PDZRN3: variants seen among roughly 807,000 people sequenced by gnomAD.
PDZRN3 encodes PDZ domain containing ring finger 3.
A neutral mutation model predicts 85.7 loss-of-function variants in PDZRN3; 38 were observed. The ratio of observed to expected loss-of-function variants is 0.44; its 90% confidence interval spans 0.34 to 0.58. The LOEUF is 0.58. Among genes scored for constraint, PDZRN3 ranks in the 20% least tolerant of loss-of-function variants. PDZRN3 has a pLI of 0.01. For synonymous variants in PDZRN3, 759 were observed against 638.0 expected (o/e 1.19, Z -2.86); for missense variants, 1,629 against 1,506.4 (o/e 1.08, Z -1.35).
chr3:73,502,373 T>C (rs1305554056), intron 3 of PDZRN3, among the ~76,000 whole-genome samples: 1 of 152,234 alleles, frequency 6.6e-6, no homozygotes, highest in East Asian at 1.9e-4. Context: ...ATTTCCATAA[T>C]GGTGTTCTCT....
chr3:73,559,559 T>G (rs1701773796), intron 3 of PDZRN3, among the ~76,000 whole-genome samples: 1 of 152,206 alleles, frequency 6.6e-6, no homozygotes, highest in South Asian at 2.1e-4. Flanking sequence ...GCACATGGGT[T>G]TCAGGCCTTG....
chr3:73,423,910 C>T (rs1702253734), intron 3 of PDZRN3, among the ~76,000 whole-genome samples: 1 of 152,144 alleles, frequency 6.6e-6, no homozygotes, highest in East Asian at 1.9e-4. Flanking sequence ...AAGAATGTTA[C>T]AATGAATGCC....
intron 3 of PDZRN3, among the ~76,000 whole-genome samples, chr3:73,546,381 G>C (rs950983471): frequency 6.6e-6 from 1 of 152,204 alleles, no homozygotes; most frequent in African/African-American, 2.4e-5. Context: ...CTGTCTATAA[G>C]GGAAATTTCA....
chr3:73,580,052 T>C (rs1232906798), intron 3 of PDZRN3, among the ~76,000 whole-genome samples: 2 of 152,152 alleles, frequency 1.3e-5, no homozygotes, highest in Non-Finnish European at 2.9e-5. Flanking sequence ...CAAGTCTCCA[T>C]ATTCTGTAAA....
At chr3:73,477,874 T>C (rs1316404889) in intron 3 of PDZRN3, among the ~76,000 whole-genome samples, 4 of 152,142 alleles carry the variant, frequency 2.6e-5, no homozygotes, top group Non-Finnish European at 5.9e-5. Flanking sequence ...TCTTACATGG[T>C]GGCAGGCAAG....
chr3:73,445,824 G>A (rs757531325), intron 3 of PDZRN3, among the ~76,000 whole-genome samples: 1 of 152,218 alleles, frequency 6.6e-6, no homozygotes, highest in Non-Finnish European at 1.5e-5. Context: ...CTAGATCACA[G>A]GCAACACATG....
intron 1 of PDZRN3, among the ~76,000 whole-genome samples, chr3:73,613,117 T>C (rs2106910638): frequency 6.6e-6 from 1 of 152,374 alleles, no homozygotes; most frequent in East Asian, 1.9e-4. Context: ...TTCCTAACTG[T>C]ATCTATCTTT....
chr3:73,395,397 C>A (rs1033820213), intron 5 of PDZRN3, among the ~76,000 whole-genome samples: 1 of 152,172 alleles, frequency 6.6e-6, no homozygotes, highest in Non-Finnish European at 1.5e-5. Context: ...TACAGCTACC[C>A]CTGTTACTGG....
intron 3 of PDZRN3, among the ~76,000 whole-genome samples, chr3:73,439,007 G>A (rs1283183702): frequency 3.3e-5 from 5 of 152,298 alleles, no homozygotes; most frequent in African/African-American, 1.2e-4. Flanking sequence ...TGCCCCTTAA[G>A]TCTCACCTCC....
At chr3:73,455,624 TGTTCAAAA>T (rs1287482653) in intron 3 of PDZRN3, among the ~76,000 whole-genome samples, 1 of 152,362 alleles carries the variant, frequency 6.6e-6, no homozygotes, top group African/African-American at 2.4e-5. Context: ...TAATAAATCT[TGTTCAAAA>T]GATGAACAAC....
intron 3 of PDZRN3, among the ~76,000 whole-genome samples, chr3:73,408,774 A>G (rs1254527470): frequency 6.6e-6 from 1 of 152,120 alleles, no homozygotes; most frequent in Non-Finnish European, 1.5e-5. Context: ...CATAACACTT[A>G]TTACACTGTC....
chr3:73,434,976 A>C (rs1440082365), intron 3 of PDZRN3, among the ~76,000 whole-genome samples: 1 of 152,192 alleles, frequency 6.6e-6, no homozygotes, highest in Non-Finnish European at 1.5e-5. Context: ...CTCAACGAAA[A>C]TGGTCGATGT....
At chr3:73,508,371 A>G (rs372433979) in intron 3 of PDZRN3, among the ~76,000 whole-genome samples, 5 of 152,246 alleles carry the variant, frequency 3.3e-5, no homozygotes, top group African/African-American at 1.2e-4. Context: ...ATCTGGAAAC[A>G]GCAGTGAAGA....
intron 3 of PDZRN3, among the ~76,000 whole-genome samples, chr3:73,512,826 TAAA>T (rs1462275877): frequency 1.3e-5 from 2 of 152,160 alleles, no homozygotes; most frequent in African/African-American, 4.8e-5. Flanking sequence ...AAGCTGTTTT[TAAA>T]AAGACACTAA....
intron 3 of PDZRN3, among the ~76,000 whole-genome samples, chr3:73,446,876 G>A (rs985340728): frequency 1.3e-5 from 2 of 151,726 alleles, no homozygotes; most frequent in Non-Finnish European, 2.9e-5. Context: ...TGTGTATTCT[G>A]TTGCTCTCGA....
At chr3:73,594,475 A>G (rs1297304064) in intron 3 of PDZRN3, among the ~76,000 whole-genome samples, 1 of 152,174 alleles carries the variant, frequency 6.6e-6, no homozygotes, top group Non-Finnish European at 1.5e-5. Context: ...AAAATCCTTT[A>G]CCTACATTGT....
chr3:73,611,721 T>C (rs1344200151), intron 1 of PDZRN3, among the ~76,000 whole-genome samples: 1 of 152,218 alleles, frequency 6.6e-6, no homozygotes, highest in Middle Eastern at 3.2e-3. Context: ...GGTTTTTCCT[T>C]TTCACTCCTT....
At chr3:73,469,953 G>A (rs891406079) in intron 3 of PDZRN3, among the ~76,000 whole-genome samples, 2 of 152,140 alleles carry the variant, frequency 1.3e-5, no homozygotes, top group Non-Finnish European at 2.9e-5. Context: ...TGTGCTGTAC[G>A]TTGTAGGATG....
At chr3:73,416,335 G>T (rs1241626282) in intron 3 of PDZRN3, among the ~76,000 whole-genome samples, 1 of 152,048 alleles carries the variant, frequency 6.6e-6, no homozygotes, top group Non-Finnish European at 1.5e-5. Flanking sequence ...TCAAGACAAA[G>T]CAAATGCAAA....
Sources: gnomAD v4.1 joint callset for allele counts (sites outside exome capture counted in the v4.1 genomes callset) on GRCh38, gnomAD v4.1.1 for gene constraint, MANE v1.5 for transcripts, NCBI Gene and HGNC (gene_info 2026-07-23, HGNC 2026-07-21) for gene names.